The following NRXN3 variants were observed in gnomAD, a reference collection of about 807,000 sequenced individuals.
The protein encoded by NRXN3 is neurexin III.
NRXN3 carries 32 observed loss-of-function variants against 137.6 expected under a neutral mutation model. The observed-to-expected ratio is 0.23, with a 90% CI of 0.18 to 0.31. The LOEUF (loss-of-function observed/expected upper bound fraction) is 0.31, where lower values mean the gene tolerates loss of function less well. NRXN3 is among the 10% of genes least tolerant of loss of function. The pLI is 1.00. For missense variants in NRXN3, 1,574 were observed against 2,062.5 expected (o/e 0.76, Z 4.59); for synonymous variants, 798 against 784.5 (o/e 1.02, Z -0.29).
intron 15 of NRXN3, among the ~76,000 whole-genome samples, chr14:79,234,808 C>G (rs2073086929): frequency 6.6e-6 from 1 of 151,946 alleles, no homozygotes; most frequent in Non-Finnish European, 1.5e-5. Context: ...TGACCATTCA[C>G]TTTGTAATAT....
chr14:79,218,093 T>G (rs1358122157), intron 15 of NRXN3, among the ~76,000 whole-genome samples: 3 of 152,208 alleles, frequency 2.0e-5, no homozygotes, highest in East Asian at 3.9e-4. Context: ...CATTGAAATA[T>G]TGACCCCATA....
At chr14:79,495,973 A>C (rs1259023280) in intron 16 of NRXN3, among the ~76,000 whole-genome samples, 1 of 151,916 alleles carries the variant, frequency 6.6e-6, no homozygotes, top group Non-Finnish European at 1.5e-5. Context: ...AAAACAAAAA[A>C]ACAAAAAATC....
At chr14:79,607,236 A>G (rs2098032163) in intron 16 of NRXN3, among the ~76,000 whole-genome samples, 1 of 152,260 alleles carries the variant, frequency 6.6e-6, no homozygotes, top group Admixed American at 6.5e-5. Context: ...TTCTAATATC[A>G]TTGATATATA....
intron 16 of NRXN3, among the ~76,000 whole-genome samples, chr14:79,551,248 C>G (rs2153748623): frequency 6.6e-6 from 1 of 152,266 alleles, no homozygotes; most frequent in Non-Finnish European, 1.5e-5. Flanking sequence ...CATTCTTTCT[C>G]TTTTCCTGGC....
chr14:79,336,765 T>C (rs2092290445), intron 15 of NRXN3, among the ~76,000 whole-genome samples: 2 of 152,208 alleles, frequency 1.3e-5, no homozygotes, highest in Non-Finnish European at 2.9e-5. Context: ...TAAGGCATAA[T>C]TGAAGCACTA....
At chr14:78,442,854 C>T (rs368088637) in intron 4 of NRXN3, among the ~76,000 whole-genome samples, 2 of 152,122 alleles carry the variant, frequency 1.3e-5, no homozygotes, top group Non-Finnish European at 2.9e-5. Flanking sequence ...ATTTATAATA[C>T]CAATAAGAGC....
intron 4 of NRXN3, among the ~76,000 whole-genome samples, chr14:78,586,210 C>T (rs994379767): frequency 1.3e-5 from 2 of 152,144 alleles, no homozygotes; most frequent in African/African-American, 4.8e-5. Context: ...CCAACAAAAT[C>T]TACCATCTGG....
At chr14:79,692,395 G>T in intron 18 of NRXN3, 133 bp downstream of exon 18, 4 of 719,760 alleles carry the variant, frequency 5.6e-6, no homozygotes, top group Non-Finnish European at 9.1e-6. Context: ...ATTATAATTT[G>T]TGTCAGCTTC....
chr14:79,727,188 C>T (rs1426271362), intron 19 of NRXN3, among the ~76,000 whole-genome samples: 1 of 152,154 alleles, frequency 6.6e-6, no homozygotes, highest in African/African-American at 2.4e-5. Context: ...CTTTTCTTAG[C>T]ATTTGCTGCT....
chr14:79,623,810 C>T (rs2098250184), intron 16 of NRXN3, among the ~76,000 whole-genome samples: 4 of 140,710 alleles, frequency 2.8e-5, no homozygotes, highest in African/African-American at 8.2e-5. Context: ...TTTTAATATT[C>T]TAGAAACCAT....
At chr14:78,928,793 T>G (rs1336544454) in intron 10 of NRXN3, among the ~76,000 whole-genome samples, 1 of 152,200 alleles carries the variant, frequency 6.6e-6, no homozygotes, top group East Asian at 1.9e-4. Context: ...GTAGCATGAT[T>G]TATAATCCTT....
At chr14:79,195,815 A>T (rs2065052100) in intron 15 of NRXN3, among the ~76,000 whole-genome samples, 1 of 152,228 alleles carries the variant, frequency 6.6e-6, no homozygotes, top group Non-Finnish European at 1.5e-5. Flanking sequence ...TTTACTATGG[A>T]GATCCCTAGT....
chr14:78,913,274 CTTT>C (rs1157942892), intron 10 of NRXN3, among the ~76,000 whole-genome samples: 61 of 47,832 alleles, frequency 1.3e-3, no homozygotes, highest in Non-Finnish European at 1.6e-3. Flanking sequence ...TTCTTTCTTT[CTTT>C]TTTTTTTTTT....
intron 15 of NRXN3, among the ~76,000 whole-genome samples, chr14:79,402,996 A>G (rs1364646626): frequency 6.6e-6 from 1 of 152,212 alleles, no homozygotes; most frequent in Non-Finnish European, 1.5e-5. Context: ...TAATTTGAGG[A>G]CTGTGGGATG....
intron 10 of NRXN3, among the ~76,000 whole-genome samples, chr14:78,933,949 G>A (rs995096261): frequency 6.6e-6 from 1 of 151,854 alleles, no homozygotes; most frequent in Non-Finnish European, 1.5e-5. Context: ...CCAGCTTCTG[G>A]TACCCACCCA....
chr14:79,059,895 G>A (rs924007878), intron 15 of NRXN3, among the ~76,000 whole-genome samples: 1 of 152,190 alleles, frequency 6.6e-6, no homozygotes, highest in Non-Finnish European at 1.5e-5. Context: ...GAATCAGACA[G>A]CACTTCTGTG....
At chr14:78,900,109 A>G (rs1045990134) in intron 10 of NRXN3, among the ~76,000 whole-genome samples, 3 of 152,012 alleles carry the variant, frequency 2.0e-5, no homozygotes, top group Admixed American at 2.0e-4. Flanking sequence ...TGACACTAAC[A>G]TTTTTGAACC....
chr14:78,185,456 G>T (rs2060154486), intron 1 of NRXN3, among the ~76,000 whole-genome samples: 1 of 152,178 alleles, frequency 6.6e-6, no homozygotes, highest in African/African-American at 2.4e-5. Context: ...TGGGTGGAGG[G>T]CTGAGTAAGA....
intron 10 of NRXN3, among the ~76,000 whole-genome samples, chr14:78,890,946 A>C (rs1360906149): frequency 6.6e-6 from 1 of 151,984 alleles, no homozygotes; most frequent in Non-Finnish European, 1.5e-5. Context: ...CCATCATACC[A>C]TTTTGCTCCC....
Sources: allele counts gnomAD v4.1 joint callset (sites outside exome capture counted in the v4.1 genomes callset), GRCh38; gene constraint gnomAD v4.1.1; transcripts MANE v1.5; gene names NCBI Gene and HGNC (gene_info 2026-07-23, HGNC 2026-07-21).